The following LHFPL2 variants were observed in gnomAD, a reference collection of about 807,000 sequenced individuals.
LHFPL2 encodes the protein LHFPL tetraspan subfamily member 2, also known as LHFPL tetraspan subfamily member 2 protein.
LHFPL2 carries 7 observed loss-of-function variants against 17.5 expected under a neutral mutation model. The observed-to-expected ratio is 0.40, with a 90% CI of 0.23 to 0.75. The LOEUF (loss-of-function observed/expected upper bound fraction) is 0.75, where lower values mean the gene tolerates loss of function less well. LHFPL2 is among the 30% of genes least tolerant of loss of function. The pLI is 0.37. For synonymous variants in LHFPL2, 134 were observed against 116.2 expected (o/e 1.15, Z -0.99); for missense variants, 241 against 294.8 (o/e 0.82, Z 1.34).
intron 3 of LHFPL2, among the ~76,000 whole-genome samples, chr5:78,513,910 G>A (rs574286792): frequency 1.3e-5 from 2 of 152,278 alleles, no homozygotes; most frequent in East Asian, 3.9e-4. Context: ...CGGACTAACA[G>A]AGGCTGCAAG....
chr5:78,535,782 G>A (rs1755931373), intron 3 of LHFPL2, among the ~76,000 whole-genome samples: 1 of 152,186 alleles, frequency 6.6e-6, no homozygotes, highest in African/African-American at 2.4e-5. Context: ...TTGGGGAAGG[G>A]CAGGCTGTGG....
intron 2 of LHFPL2, among the ~76,000 whole-genome samples, chr5:78,578,491 G>A (rs2112437392): frequency 6.6e-6 from 1 of 152,130 alleles, no homozygotes; most frequent in East Asian, 1.9e-4. Context: ...TTGCAAGACG[G>A]AAGGTTCTGG....
At chr5:78,590,511 AT>A (rs1003183515) in intron 2 of LHFPL2, among the ~76,000 whole-genome samples, 1 of 151,614 alleles carries the variant, frequency 6.6e-6, no homozygotes, top group Non-Finnish European at 1.5e-5. Flanking sequence ...ATGTTATTCA[AT>A]TTTTTTTTCC....
intron 4 of LHFPL2, chr5:78,491,041 A>G (rs893497625): frequency 6.6e-6 from 1 of 152,222 alleles, no homozygotes; most frequent in African/African-American, 2.4e-5. Flanking sequence ...TGGCAGTATG[A>G]GGCGTGAAGG....
At chr5:78,492,145 T>C (rs1754467748) in intron 4 of LHFPL2, among the ~76,000 whole-genome samples, 1 of 152,202 alleles carries the variant, frequency 6.6e-6, no homozygotes, top group South Asian at 2.1e-4. Context: ...ATGGGCCTTC[T>C]GTACAATCTC....
At chr5:78,504,862 G>A (rs893653373) in intron 4 of LHFPL2, among the ~76,000 whole-genome samples, 1 of 152,210 alleles carries the variant, frequency 6.6e-6, no homozygotes, top group Non-Finnish European at 1.5e-5. Context: ...CAGACTGGTG[G>A]GGCAGCTTGC....
At position 78,629,112 on chromosome 5, in the gene LHFPL2, T is replaced by C. The variant is rs149600200; in HGVS notation, c.-245+3152A>G. On this transcript the variant is annotated intron_variant, in intron 2 of 4. Coordinates refer to ENST00000380345, the MANE Select transcript of LHFPL2 (RefSeq NM_005779.3). ...AGGACTTTTTTCAGTCTTTTGCCTA[T>C]TTGGAAATATTACTCCTATTAACTA... Among the ~76,000 whole-genome samples the C allele has an allele frequency of 5.7e-3, 861 of 152,334 alleles. 12 individuals carry two copies. The highest frequency in any genetic ancestry group is 0.02 in the African/African-American group (825 of 41,574).
chr5:78,591,744 G>GCTCCTCCTT (rs1161499943), intron 2 of LHFPL2, among the ~76,000 whole-genome samples: 1 of 152,222 alleles, frequency 6.6e-6, no homozygotes, highest in Admixed American at 6.5e-5. Context: ...CAAGGGAAAG[G>GCTCCTCCTT]AGGGGAGGAG....
intron 3 of LHFPL2, among the ~76,000 whole-genome samples, chr5:78,536,939 C>T (rs1444875752): frequency 6.6e-6 from 1 of 152,178 alleles, no homozygotes; most frequent in Non-Finnish European, 1.5e-5. Flanking sequence ...CTTCAGTCTT[C>T]CTTAAAGCCC....
intron 3 of LHFPL2, among the ~76,000 whole-genome samples, chr5:78,525,277 C>T (rs114372251): frequency 0.013 from 1,969 of 152,300 alleles, 40 homozygotes; most frequent in African/African-American, 0.043. Flanking sequence ...TCACTAATCT[C>T]CCTATGCCTC....
At chr5:78,630,565 G>C (rs1745205332) in intron 2 of LHFPL2, among the ~76,000 whole-genome samples, 1 of 152,020 alleles carries the variant, frequency 6.6e-6, no homozygotes, top group South Asian at 2.1e-4. Flanking sequence ...GGGAGTCAAG[G>C]TTCCTTTACT....
chr5:78,510,306 G>C lies in LHFPL2; in HGVS notation c.-93C>G, dbSNP rs1167212604. 7 of 1,267,190 alleles carry C rather than the reference G, an allele frequency of 5.5e-6. No individual in the cohort carries two copies. The African/African-American group carries it at 1.1e-4, about 19-fold the overall frequency. The allele number at this position is 1,267,190 out of a possible 1,614,324, so 78.5% of individuals were successfully genotyped here. A position where few individuals can be genotyped will look rare whatever the true frequency, so the allele number is the denominator to read the frequency against. On this transcript the variant is annotated 5_prime_UTR_variant, in exon 4 of 5. Transcript: ENST00000380345. Reference sequence around the variant, plus strand: ...GAAGGAGGCTCGGGCGGCCCGGGAAGGAAGTCGCAGCTGCAGTCATTCACT... The same window carrying C: ...GAAGGAGGCTCGGGCGGCCCGGGAACGAAGTCGCAGCTGCAGTCATTCACT...
intron 2 of LHFPL2, among the ~76,000 whole-genome samples, chr5:78,607,794 T>C (rs907838883): frequency 1.3e-5 from 2 of 152,194 alleles, no homozygotes; most frequent in African/African-American, 4.8e-5. Context: ...AGGTTTTTTT[T>C]CCCCTAAGCC....
At chr5:78,489,650 G>A (rs1050723374) in intron 4 of LHFPL2, among the ~76,000 whole-genome samples, 2 of 152,110 alleles carry the variant, frequency 1.3e-5, no homozygotes, top group South Asian at 2.1e-4. Flanking sequence ...CTCCCACCTC[G>A]GCCTCCACCA....
intron 3 of LHFPL2, among the ~76,000 whole-genome samples, chr5:78,559,171 C>T (rs1476910707): frequency 1.3e-5 from 2 of 152,192 alleles, no homozygotes; most frequent in African/African-American, 4.8e-5. Flanking sequence ...TAATGTTCAA[C>T]TTTACTTTTT....
intron 4 of LHFPL2, among the ~76,000 whole-genome samples, chr5:78,503,500 C>T (rs1754835978): frequency 6.6e-6 from 1 of 152,144 alleles, no homozygotes; most frequent in Non-Finnish European, 1.5e-5. Flanking sequence ...AGTACGAGAC[C>T]AGCCTGGCCA....
intron 3 of LHFPL2, among the ~76,000 whole-genome samples, chr5:78,552,759 AT>A (rs1756480946): frequency 6.6e-6 from 1 of 152,256 alleles, no homozygotes; most frequent in African/African-American, 2.4e-5. Context: ...ACTTGTTGGA[AT>A]GATAGAAAAT....
intron 1 of LHFPL2, among the ~76,000 whole-genome samples, chr5:78,640,500 C>T (rs1313570298): frequency 6.6e-6 from 1 of 152,134 alleles, no homozygotes; most frequent in African/African-American, 2.4e-5. Context: ...ACAGGAACTG[C>T]CTTACAAAGG....
intron 4 of LHFPL2, among the ~76,000 whole-genome samples, chr5:78,506,492 C>A (rs930499282): frequency 6.6e-6 from 1 of 152,230 alleles, no homozygotes; most frequent in African/African-American, 2.4e-5. Flanking sequence ...ATGCTCCCAG[C>A]TGCAGCAAGT....
Sources: gnomAD v4.1 joint callset for allele counts (sites outside exome capture counted in the v4.1 genomes callset) on GRCh38, gnomAD v4.1.1 for gene constraint, MANE v1.5 for transcripts, NCBI Gene and HGNC (gene_info 2026-07-23, HGNC 2026-07-21) for gene names.